Variants in BMPR2 observed in about 807,000 individuals in gnomAD.
The protein encoded by BMPR2 is bone morphogenetic protein receptor type-2.
In BMPR2, 29 loss-of-function variants were observed where a neutral mutation model predicts 100.8. The observed-to-expected ratio is 0.29, with a 90% CI of 0.21 to 0.39. The LOEUF is 0.39. Among genes scored for constraint, BMPR2 ranks in the 10% least tolerant of loss-of-function variants. The probability of loss-of-function intolerance (pLI) is 1.00; values close to 1 mark genes in which losing one functional copy is unlikely to be tolerated. For missense variants in BMPR2, 1,011 were observed against 1,274.5 expected (o/e 0.79, Z 3.15); for synonymous variants, 382 against 442.3 (o/e 0.86, Z 1.71).
intron 1 of BMPR2, among the ~76,000 whole-genome samples, chr2:202,399,088 A>T (rs1408236376): frequency 1.3e-5 from 2 of 152,146 alleles, no homozygotes. Context: ...AGATCGTGCC[A>T]TTGCAATCCA....
intron 9 of BMPR2, among the ~76,000 whole-genome samples, chr2:202,541,813 T>G (rs1183966112): frequency 6.6e-6 from 1 of 152,144 alleles, no homozygotes; most frequent in African/African-American, 2.4e-5. Flanking sequence ...AGCAAAACAT[T>G]CATTAATAAT....
Position 202,377,003 on chromosome 2 carries a change from C to T in BMPR2, c.-472C>T. 2 of 466,228 alleles carry T rather than the reference C, an allele frequency of 4.3e-6. No homozygotes were observed. The highest frequency in any genetic ancestry group is 2.0e-5 in the African/African-American group (1 of 49,740). The allele number at this position is 466,228 out of a possible 1,614,324, so 28.9% of individuals were successfully genotyped here. A position where few individuals can be genotyped will look rare whatever the true frequency, so the allele number is the denominator to read the frequency against. On this transcript the variant is annotated 5_prime_UTR_variant, in exon 1 of 13. Coordinates refer to ENST00000374580, the MANE Select transcript of BMPR2 (RefSeq NM_001204.7). ...GCCGCGGGCGATGCGACTAGGGCTGCCGGGCGCCGCCGCCGCCCGTCCGGC... is the reference window on the plus strand; with the variant it reads ...GCCGCGGGCGATGCGACTAGGGCTGTCGGGCGCCGCCGCCGCCCGTCCGGC...
rs538488859 is a variant in BMPR2, at chr2:202,503,388, G to C, written c.419-10331G>C. On this transcript the variant is annotated intron_variant, in intron 3 of 12. Transcript: ENST00000374580. This position sits in a 1 kb window ranked among gnomAD's most constrained non-coding sequence, Gnocchi z 4.0. ...GCTTGCAGGGAGGTGTGGAGGGAGAGGCGCAAGCAGGAACCGGGGCGGCGT... is the reference window on the plus strand; with the variant it reads ...GCTTGCAGGGAGGTGTGGAGGGAGACGCGCAAGCAGGAACCGGGGCGGCGT... Among the ~76,000 whole-genome samples, 1 of 152,250 alleles carries C rather than the reference G, an allele frequency of 6.6e-6. No homozygotes were observed. Among genetic ancestry groups the C allele is most frequent in the Non-Finnish European group, 1.5e-5 (1 of 68,048 alleles).
intron 12 of BMPR2, among the ~76,000 whole-genome samples, chr2:202,557,146 C>T (rs1688590052): frequency 6.6e-6 from 1 of 151,848 alleles, no homozygotes; most frequent in Non-Finnish European, 1.5e-5. Context: ...GCCTGACCAA[C>T]ATGGTGAAAC....
intron 3 of BMPR2, among the ~76,000 whole-genome samples, chr2:202,475,899 C>T (rs1276858827): frequency 3.3e-5 from 5 of 150,672 alleles, no homozygotes; most frequent in Admixed American, 1.3e-4. Flanking sequence ...GGAGAAACCC[C>T]GTCTCTACTA....
At chr2:202,410,362 GA>G (rs1690988703) in intron 1 of BMPR2, among the ~76,000 whole-genome samples, 1 of 152,072 alleles carries the variant, frequency 6.6e-6, no homozygotes, top group South Asian at 2.1e-4. Flanking sequence ...CTGAGGCAGG[GA>G]AAATCAAAAT....
chr2:202,528,174 G>A (rs1228729090), intron 7 of BMPR2, among the ~76,000 whole-genome samples: 3 of 152,086 alleles, frequency 2.0e-5, no homozygotes, highest in Non-Finnish European at 2.9e-5. Flanking sequence ...GCAACAGAAC[G>A]AGACCCTGTT....
At chr2:202,406,227 C>A (rs958503663) in intron 1 of BMPR2, among the ~76,000 whole-genome samples, 1 of 152,182 alleles carries the variant, frequency 6.6e-6, no homozygotes, top group African/African-American at 2.4e-5. Flanking sequence ...TAATAGGGTT[C>A]CTTCATTGTT....
At chr2:202,478,177 G>T (rs181194995) in intron 3 of BMPR2, among the ~76,000 whole-genome samples, 6 of 152,134 alleles carry the variant, frequency 3.9e-5, no homozygotes, top group Non-Finnish European at 7.4e-5. Flanking sequence ...GCTTTTTGTT[G>T]CTTTTGTGGT....
At chr2:202,469,565 C>T (rs148444433) in intron 3 of BMPR2, 115 of 265,822 alleles carry the variant, frequency 4.3e-4, no homozygotes, top group African/African-American at 2.4e-3. Context: ...CTGCAACGTC[C>T]ACCTCCCAGG....
rs1688498174 is a variant in BMPR2, at chr2:202,552,570, C to A, written c.1414-146C>A. 8 of 790,184 alleles carry A rather than the reference C, an allele frequency of 1.0e-5. No homozygotes were observed. In the Admixed American group the frequency reaches 1.4e-4, roughly 14 times the overall value. The allele number at this position is 790,184 out of a possible 1,614,324, so 48.9% of individuals were successfully genotyped here. A position where few individuals can be genotyped will look rare whatever the true frequency, so the allele number is the denominator to read the frequency against. ...TCACCTTTTGAGCATGTTCCGTAAT[C>A]CTTGAAGCCTAAAATATGTTATTAG... On this transcript the variant is annotated intron_variant, in intron 10 of 12. Coordinates refer to ENST00000374580, the MANE Select transcript of BMPR2 (RefSeq NM_001204.7).
chr2:202,490,248 T>C (rs1462658078), intron 3 of BMPR2, among the ~76,000 whole-genome samples: 1 of 152,200 alleles, frequency 6.6e-6, no homozygotes, highest in Non-Finnish European at 1.5e-5. Context: ...AGAAGGTGGA[T>C]ATATTTTCAT....
At chr2:202,459,125 T>C (rs1377784751) in intron 1 of BMPR2, among the ~76,000 whole-genome samples, 2 of 152,212 alleles carry the variant, frequency 1.3e-5, no homozygotes, top group Non-Finnish European at 2.9e-5. Context: ...GTTTTTTGGA[T>C]ACTTGTTTAA....
intron 1 of BMPR2, among the ~76,000 whole-genome samples, chr2:202,456,387 T>G (rs189369310): frequency 6.6e-6 from 1 of 151,396 alleles, no homozygotes; most frequent in Non-Finnish European, 1.5e-5. Context: ...ACCATGTTGG[T>G]CAGGCTGGTC....
intron 1 of BMPR2, among the ~76,000 whole-genome samples, chr2:202,426,988 A>G (rs968842344): frequency 6.6e-6 from 1 of 152,254 alleles, no homozygotes; most frequent in African/African-American, 2.4e-5. Context: ...CAGGCGAGAT[A>G]TGATGATACT....
chr2:202,537,040 G>C (rs1308879002), intron 9 of BMPR2, among the ~76,000 whole-genome samples: 1 of 152,100 alleles, frequency 6.6e-6, no homozygotes, highest in African/African-American at 2.4e-5. Context: ...AGGACTACAG[G>C]TGCATGCCAC....
chr2:202,481,087 A>G (rs1574470553), intron 3 of BMPR2, among the ~76,000 whole-genome samples: 1 of 151,828 alleles, frequency 6.6e-6, no homozygotes, highest in East Asian at 1.9e-4. Context: ...CACTGTCTTG[A>G]TAACTATTGC....
chr2:202,379,869 T>TCTTTCTTTCCTTCTTTCTTTC (rs1553492614), intron 1 of BMPR2, among the ~76,000 whole-genome samples: 1 of 151,396 alleles, frequency 6.6e-6, no homozygotes, highest in African/African-American at 2.4e-5. Context: ...TTTCTTTCTT[T>TCTTTCTTTCCTTCTTTCTTTC]TTTGTTCAGA....
At chr2:202,427,999 CAAATA>C (rs577669921) in intron 1 of BMPR2, among the ~76,000 whole-genome samples, 230 of 152,054 alleles carry the variant, frequency 1.5e-3, no homozygotes, top group Non-Finnish European at 2.3e-3. Context: ...AACAAACAAA[CAAATA>C]AAATAAATAA....
Sources: allele counts gnomAD v4.1 joint callset (sites outside exome capture counted in the v4.1 genomes callset), GRCh38; gene constraint gnomAD v4.1.1; non-coding constraint Gnocchi (gnomAD v3.1); transcripts MANE v1.5; gene names NCBI Gene and HGNC (gene_info 2026-07-23, HGNC 2026-07-21).